The following GRM8 variants were observed in gnomAD, a reference collection of about 807,000 sequenced individuals.
GRM8 encodes the protein metabotropic glutamate receptor 8.
In GRM8, 47 loss-of-function variants were observed where a neutral mutation model predicts 87.2. The observed-to-expected ratio is 0.54, with a 90% CI of 0.43 to 0.69. The LOEUF (loss-of-function observed/expected upper bound fraction) is 0.69, where lower values mean the gene tolerates loss of function less well. Ranked by LOEUF, GRM8 falls within the 30% of genes least tolerant of loss-of-function variation. GRM8 has a pLI of 0.00. For synonymous variants in GRM8, 396 were observed against 404.5 expected (o/e 0.98, Z 0.25); for missense variants, 1,019 against 1,139.2 (o/e 0.89, Z 1.52).
At chr7:126,954,447 T>G (rs1808474567) in intron 3 of GRM8, among the ~76,000 whole-genome samples, 2 of 152,140 alleles carry the variant, frequency 1.3e-5, no homozygotes, top group Non-Finnish European at 2.9e-5. Flanking sequence ...AATAGCAATA[T>G]AGGGTGTCCA....
intron 6 of GRM8, among the ~76,000 whole-genome samples, chr7:126,877,621 C>A (rs1799641245): frequency 1.3e-5 from 2 of 152,196 alleles, no homozygotes; most frequent in East Asian, 3.9e-4. Context: ...ATGCGGTCCA[C>A]CAACCATATC....
At chr7:126,473,680 T>C (rs1472613887) in intron 9 of GRM8, among the ~76,000 whole-genome samples, 4 of 152,138 alleles carry the variant, frequency 2.6e-5, no homozygotes, top group South Asian at 2.1e-4. Flanking sequence ...CTTGGAATAA[T>C]ATGCTTAGGC....
At chr7:126,734,031 T>C (rs549271631) in intron 7 of GRM8, among the ~76,000 whole-genome samples, 1 of 152,166 alleles carries the variant, frequency 6.6e-6, no homozygotes, top group African/African-American at 2.4e-5. Flanking sequence ...ATACCTACAA[T>C]TACCTGAAAT....
intron 9 of GRM8, among the ~76,000 whole-genome samples, 166 bp downstream of exon 9, chr7:126,532,786 T>G (rs1373454545): frequency 3.8e-4 from 6 of 15,774 alleles, no homozygotes; most frequent in South Asian, 3.0e-3. Flanking sequence ...TATATATATA[T>G]ATATATATAT....
intron 2 of GRM8, among the ~76,000 whole-genome samples, chr7:127,145,180 A>G (rs1828487908): frequency 6.6e-6 from 1 of 152,118 alleles, no homozygotes; most frequent in African/African-American, 2.4e-5. Context: ...CCTGATGAAA[A>G]TTGTTAAATC....
At chr7:126,767,996 T>A (rs993478117) in intron 7 of GRM8, among the ~76,000 whole-genome samples, 2 of 152,082 alleles carry the variant, frequency 1.3e-5, no homozygotes. Context: ...TAGGTTCTTG[T>A]TGCTTTCGAG....
At chr7:127,113,231 A>G (rs567023155) in intron 2 of GRM8, among the ~76,000 whole-genome samples, 1 of 152,298 alleles carries the variant, frequency 6.6e-6, no homozygotes, top group East Asian at 1.9e-4. Context: ...TCAGAATGCC[A>G]TAAGTTTTTC....
chr7:126,457,494 C>T (rs1803390178), intron 9 of GRM8, among the ~76,000 whole-genome samples: 1 of 151,354 alleles, frequency 6.6e-6, no homozygotes, highest in African/African-American at 2.4e-5. Context: ...ACAGGGTATG[C>T]TATCTGACTA....
In GRM8 at chr7:127,100,560, T is replaced by C. The variant is rs555359556; in HGVS notation, c.727+5936A>G. ...TTGTAAAGGAAACAGGTTTAACTGA[T>C]TCACAGTTCCACATGGCTGGGGGTG... is the stretch of plus-strand genomic sequence containing the variant. On this transcript the variant is annotated intron_variant, in intron 3 of 10. Transcript: ENST00000339582. Among the ~76,000 whole-genome samples the C allele has an allele frequency of 4.6e-5, 7 of 152,332 alleles. No individual in the cohort carries two copies. In the South Asian group the frequency reaches 1.5e-3, roughly 32 times the overall value.
intron 8 of GRM8, among the ~76,000 whole-genome samples, chr7:126,551,201 T>C (rs1333174127): frequency 2.0e-5 from 3 of 152,146 alleles, no homozygotes; most frequent in Admixed American, 2.0e-4. Flanking sequence ...CTGTACCATC[T>C]TCCCCATGCA....
At chr7:126,564,563 A>G (rs1794028755) in intron 8 of GRM8, among the ~76,000 whole-genome samples, 1 of 152,224 alleles carries the variant, frequency 6.6e-6, no homozygotes, top group African/African-American at 2.4e-5. Flanking sequence ...CATACCTTTA[A>G]TTAGTGTGGA....
chr7:126,808,110 C>T (rs952970392), intron 6 of GRM8, among the ~76,000 whole-genome samples: 2 of 152,096 alleles, frequency 1.3e-5, no homozygotes, highest in African/African-American at 2.4e-5. Context: ...GGATATTTGT[C>T]AATGGATTAC....
intron 2 of GRM8, among the ~76,000 whole-genome samples, chr7:127,147,646 G>T (rs1226714998): frequency 6.6e-6 from 1 of 151,902 alleles, no homozygotes; most frequent in Non-Finnish European, 1.5e-5. Flanking sequence ...TTCAAGCTGG[G>T]TTCAAAACAC....
chr7:126,521,287 C>G (rs2150791926), intron 9 of GRM8, among the ~76,000 whole-genome samples: 1 of 152,228 alleles, frequency 6.6e-6, no homozygotes, highest in East Asian at 1.9e-4. Context: ...AAATACATTT[C>G]TTGGTATTTT....
chr7:127,195,698 T>C (rs532019092), intron 2 of GRM8, among the ~76,000 whole-genome samples: 221 of 152,274 alleles, frequency 1.5e-3, no homozygotes, highest in Non-Finnish European at 1.5e-3. Flanking sequence ...GTGATTCCTC[T>C]GGGCCTCCTT....
intron 3 of GRM8, chr7:127,095,919 T>G (rs1824606777): frequency 6.6e-6 from 1 of 152,224 alleles, no homozygotes; most frequent in African/African-American, 2.4e-5. Flanking sequence ...AAGTATCACC[T>G]GACACATGCA....
intron 3 of GRM8, among the ~76,000 whole-genome samples, chr7:126,911,987 G>T (rs927509240): frequency 8.5e-5 from 13 of 152,228 alleles, no homozygotes; most frequent in African/African-American, 2.9e-4. Context: ...GAGATCAGGA[G>T]ATCAAGACCA....
At chr7:126,651,619 CACA>C (rs1803879498) in intron 7 of GRM8, among the ~76,000 whole-genome samples, 1 of 152,138 alleles carries the variant, frequency 6.6e-6, no homozygotes, top group African/African-American at 2.4e-5. Context: ...CACCAGGAAA[CACA>C]ACAATAATTC....
At chr7:126,771,114 C>T (rs1172987617) in intron 6 of GRM8, among the ~76,000 whole-genome samples, 1 of 152,054 alleles carries the variant, frequency 6.6e-6, no homozygotes, top group Non-Finnish European at 1.5e-5. Flanking sequence ...TTAAACTTTC[C>T]ATGGATGTTA....
Sources: gnomAD v4.1 joint callset for allele counts (sites outside exome capture counted in the v4.1 genomes callset) on GRCh38, gnomAD v4.1.1 for gene constraint, MANE v1.5 for transcripts, NCBI Gene and HGNC (gene_info 2026-07-23, HGNC 2026-07-21) for gene names.